The following CCDC178 variants were observed in gnomAD, a reference collection of about 807,000 sequenced individuals.
The protein encoded by CCDC178 is coiled-coil domain containing 178, also known as coiled-coil domain-containing protein 178.
CCDC178 carries 126 observed loss-of-function variants against 117.4 expected under a neutral mutation model. The observed-to-expected ratio is 1.07, with a 90% confidence interval of 0.93 to 1.24. CCDC178 has a LOEUF of 1.24. CCDC178 is among the 50% of genes most tolerant of loss of function. CCDC178 has a pLI of 0.00. For synonymous variants in CCDC178, 283 were observed against 313.4 expected (o/e 0.90, Z 1.02); for missense variants, 1,030 against 986.9 (o/e 1.04, Z -0.59).
intron 20 of CCDC178, among the ~76,000 whole-genome samples, chr18:33,097,777 T>C (rs271481): frequency 0.092 from 14,047 of 152,180 alleles, 906 homozygotes; most frequent in African/African-American, 0.18. Flanking sequence ...TATTATAATC[T>C]GGTTAACACA....
intron 6 of CCDC178, among the ~76,000 whole-genome samples, chr18:33,358,477 T>C (rs183440655): frequency 1.3e-5 from 2 of 151,892 alleles, no homozygotes; most frequent in East Asian, 1.9e-4. Flanking sequence ...AGGCCAGAAA[T>C]AGGTAAAATC....
At chr18:33,383,987 A>T (rs1485181460) in intron 5 of CCDC178, among the ~76,000 whole-genome samples, 1 of 152,112 alleles carries the variant, frequency 6.6e-6, no homozygotes, top group Non-Finnish European at 1.5e-5. Flanking sequence ...AGGAGCTGTT[A>T]ACTCGAATAA....
chr18:33,347,121 G>A (rs1263787565), intron 8 of CCDC178, among the ~76,000 whole-genome samples: 1 of 152,114 alleles, frequency 6.6e-6, no homozygotes, highest in Non-Finnish European at 1.5e-5. Context: ...GTAAGGTAAA[G>A]AAGACAGATA....
intron 21 of CCDC178, among the ~76,000 whole-genome samples, chr18:33,026,038 A>T (rs1000374043): frequency 6.6e-6 from 1 of 152,166 alleles, no homozygotes. Context: ...TTAGGAAAAA[A>T]AAATGGAATA....
intron 21 of CCDC178, among the ~76,000 whole-genome samples, chr18:32,987,421 G>T (rs2055285910): frequency 6.6e-6 from 1 of 151,868 alleles, no homozygotes; most frequent in Admixed American, 6.6e-5. Flanking sequence ...ATATATCTAG[G>T]TCTATAGATA....
chr18:33,218,786 G>T (rs554563574), intron 18 of CCDC178, among the ~76,000 whole-genome samples: 4 of 151,752 alleles, frequency 2.6e-5, no homozygotes, highest in African/African-American at 9.7e-5. Flanking sequence ...ATTTCTGAGG[G>T]CTCTGCTCTG....
chr18:33,389,389 A>G (rs2063535716), intron 5 of CCDC178, 151 bp downstream of exon 5: 1 of 339,098 alleles, frequency 2.9e-6, no homozygotes, highest in Admixed American at 4.8e-5. Context: ...ATACTACATT[A>G]TATCTTTACT....
chr18:33,402,160 A>C (rs976787489), intron 3 of CCDC178, among the ~76,000 whole-genome samples: 3 of 152,292 alleles, frequency 2.0e-5, no homozygotes, highest in African/African-American at 7.2e-5. Flanking sequence ...CAAAAGACAA[A>C]AGTTAAAAAG....
chr18:33,170,790 T>C (rs1598957880), intron 20 of CCDC178, among the ~76,000 whole-genome samples: 1 of 152,182 alleles, frequency 6.6e-6, no homozygotes, highest in African/African-American at 2.4e-5. Context: ...GAGGATTTTT[T>C]TATTTCTTGG....
At chr18:33,085,108 T>C (rs2057359185) in intron 21 of CCDC178, among the ~76,000 whole-genome samples, 1 of 152,182 alleles carries the variant, frequency 6.6e-6, no homozygotes, top group South Asian at 2.1e-4. Flanking sequence ...TTAATACCTA[T>C]TATAGAGTAG....
chr18:33,397,895 A>C (rs1441436271), intron 3 of CCDC178, among the ~76,000 whole-genome samples: 1 of 152,114 alleles, frequency 6.6e-6, no homozygotes, highest in African/African-American at 2.4e-5. Context: ...GCTTTAAAAA[A>C]CTGTGGTAGT....
chr18:33,000,712 C>T (rs7229544), intron 21 of CCDC178, among the ~76,000 whole-genome samples: 20,954 of 152,096 alleles, frequency 0.14, 1,966 homozygotes, highest in African/African-American at 0.27. Flanking sequence ...CCTAGAATAG[C>T]GTATCCAGTG....
chr18:33,001,716 C>T (rs1314823456), intron 21 of CCDC178, among the ~76,000 whole-genome samples: 1 of 151,838 alleles, frequency 6.6e-6, no homozygotes, highest in Non-Finnish European at 1.5e-5. Flanking sequence ...CTAACCTCTC[C>T]AGTCAAAAGA....
intron 12 of CCDC178, among the ~76,000 whole-genome samples, chr18:33,288,032 T>A (rs1315258787): frequency 1.3e-5 from 2 of 152,152 alleles, no homozygotes; most frequent in African/African-American, 4.8e-5. Flanking sequence ...AAACTTTTAT[T>A]GATTATGCTA....
chr18:33,384,862 C>G (rs2063476384), intron 5 of CCDC178, among the ~76,000 whole-genome samples: 1 of 152,102 alleles, frequency 6.6e-6, no homozygotes, highest in Admixed American at 6.6e-5. Flanking sequence ...TCACACATAA[C>G]AATATTAACC....
chr18:33,334,922 A>G (rs774269344), intron 9 of CCDC178, among the ~76,000 whole-genome samples: 7 of 152,052 alleles, frequency 4.6e-5, no homozygotes, highest in Non-Finnish European at 8.8e-5. Context: ...TAGTTGGTCA[A>G]AGTTTCAACA....
intron 7 of CCDC178, among the ~76,000 whole-genome samples, chr18:33,355,776 T>C (rs2063047201): frequency 1.3e-5 from 2 of 152,192 alleles, no homozygotes; most frequent in Non-Finnish European, 2.9e-5. Flanking sequence ...AGCCCCAGCC[T>C]TGTGATTCCT....
At chr18:32,965,512 CAT>C (rs752355202) in intron 22 of CCDC178, among the ~76,000 whole-genome samples, 1 of 151,880 alleles carries the variant, frequency 6.6e-6, no homozygotes, top group Non-Finnish European at 1.5e-5. Context: ...TTTATGTCTT[CAT>C]ATATTGATGG....
chr18:33,243,853 T>G (rs1238694726), intron 15 of CCDC178, among the ~76,000 whole-genome samples: 1 of 151,900 alleles, frequency 6.6e-6, no homozygotes, highest in African/African-American at 2.4e-5. Context: ...GATGATGATA[T>G]CTTCATTGAT....
Sources: gnomAD v4.1 joint callset for allele counts (sites outside exome capture counted in the v4.1 genomes callset) on GRCh38, gnomAD v4.1.1 for gene constraint, MANE v1.5 for transcripts, NCBI Gene and HGNC (gene_info 2026-07-23, HGNC 2026-07-21) for gene names.